The following LUZP2 variants were observed in gnomAD, a reference collection of about 807,000 sequenced individuals.
The protein encoded by LUZP2 is leucine zipper protein 2.
In LUZP2, 52 loss-of-function variants were observed where a neutral mutation model predicts 51.6. The observed-to-expected ratio is 1.01, with a 90% CI of 0.81 to 1.27. The LOEUF is 1.27. Ranked by LOEUF, LUZP2 falls within the 50% of genes most tolerant of loss-of-function variation. LUZP2 has a pLI of 0.00. For synonymous variants in LUZP2, 154 were observed against 137.3 expected (o/e 1.12, Z -0.85); for missense variants, 436 against 395.4 (o/e 1.10, Z -0.87).
intron 10 of LUZP2, among the ~76,000 whole-genome samples, chr11:25,069,156 G>A (rs1859082317): frequency 6.6e-6 from 1 of 151,878 alleles, no homozygotes; most frequent in Non-Finnish European, 1.5e-5. Context: ...ACTGCAACAT[G>A]TGAGGTGCTA....
At chr11:24,790,393 C>T (rs1849374220) in intron 5 of LUZP2, among the ~76,000 whole-genome samples, 1 of 152,150 alleles carries the variant, frequency 6.6e-6, no homozygotes, top group Admixed American at 6.6e-5. Flanking sequence ...TGACTATGCT[C>T]ACATTTTTTA....
chr11:24,574,005 A>G lies in LUZP2; in HGVS notation c.62+76700A>G, dbSNP rs550427638. On this transcript the variant is annotated intron_variant, in intron 1 of 11. Transcript: ENST00000336930. The stretch of plus-strand genomic sequence containing the variant: ...TAACTCATCATTTAGCATTAGGTAT[A>G]TCTCCTAATGCTGTGTTTTAATTTG... Among the ~76,000 whole-genome samples, 31 of 151,870 alleles carry G rather than the reference A, an allele frequency of 2.0e-4. No homozygotes were observed. In the East Asian group the frequency reaches 6.0e-3, roughly 30 times the overall value.
intron 5 of LUZP2, among the ~76,000 whole-genome samples, chr11:24,858,678 C>A (rs1851641463): frequency 6.6e-6 from 1 of 152,110 alleles, no homozygotes; most frequent in African/African-American, 2.4e-5. Flanking sequence ...AGTCTGTGAA[C>A]AATGTAGTTC....
intron 1 of LUZP2, among the ~76,000 whole-genome samples, chr11:24,682,534 A>AGT (rs1159579765): frequency 1.4e-5 from 2 of 142,134 alleles, no homozygotes; most frequent in Non-Finnish European, 3.1e-5. Context: ...CAGTAGGTTC[A>AGT]GTGTGTATAT....
rs111557213 is a variant in LUZP2 at position 24,863,330 on chromosome 11, G to C, written c.397-42661G>C. 4.6e-3 allele frequency among the ~76,000 whole-genome samples: 706 copies of C among 152,118 alleles called. 8 individuals are homozygous for C. The highest frequency in any genetic ancestry group is 0.016 in the African/African-American group (668 of 41,504). The stretch of plus-strand genomic sequence containing the variant: ...TGTCCATCAACTGATAAATAGGCAA[G>C]CAAAATGTTGTTTGTCCATAAAATG... On this transcript the variant is annotated intron_variant, in intron 5 of 11. Coordinates refer to ENST00000336930, the MANE Select transcript of LUZP2 (RefSeq NM_001009909.4).
At chr11:24,809,747 TTGTG>T (rs138937469) in intron 5 of LUZP2, among the ~76,000 whole-genome samples, 2,325 of 152,034 alleles carry the variant, frequency 0.015, 62 homozygotes, top group African/African-American at 0.053. Context: ...CCTTATGCAT[TTGTG>T]TGTGTGTGTT....
intron 5 of LUZP2, chr11:24,890,938 A>G (rs1426920688): frequency 2.3e-6 from 2 of 859,428 alleles, no homozygotes; most frequent in Non-Finnish European, 2.6e-6. Context: ...ATTTAATTCT[A>G]TTGCTCTTAT....
chr11:24,713,345 C>T (rs111839399), intron 1 of LUZP2, among the ~76,000 whole-genome samples: 2 of 152,044 alleles, frequency 1.3e-5, no homozygotes, highest in African/African-American at 4.8e-5. Flanking sequence ...GAAACCGAAT[C>T]GAAGTCACTC....
At chr11:25,017,043 C>A (rs1029875035) in intron 9 of LUZP2, among the ~76,000 whole-genome samples, 1 of 151,910 alleles carries the variant, frequency 6.6e-6, no homozygotes, top group Non-Finnish European at 1.5e-5. Context: ...AGGATTTTTG[C>A]ATATGTTTGT....
intron 6 of LUZP2, 144 bp from the exon 7 acceptor site, chr11:24,914,332 A>G (rs1254348998): frequency 1.6e-6 from 1 of 626,566 alleles, no homozygotes; most frequent in African/African-American, 1.9e-5. Flanking sequence ...AGCAGAGCTA[A>G]GGGTTTCTGC....
chr11:24,780,346 G>C (rs947487090), intron 5 of LUZP2, among the ~76,000 whole-genome samples: 12 of 152,014 alleles, frequency 7.9e-5, no homozygotes, highest in African/African-American at 2.9e-4. Context: ...CTACTTCTGA[G>C]TCCTGAGCAC....
chr11:25,014,182 C>G (rs928737209), intron 9 of LUZP2, among the ~76,000 whole-genome samples: 3 of 152,160 alleles, frequency 2.0e-5, no homozygotes, highest in Non-Finnish European at 4.4e-5. Flanking sequence ...CAAGTCTTTG[C>G]TATTGTGAAT....
intron 5 of LUZP2, among the ~76,000 whole-genome samples, chr11:24,894,700 T>C (rs961507047): frequency 2.6e-5 from 4 of 152,118 alleles, no homozygotes; most frequent in South Asian, 2.1e-4. Context: ...CGACAACGTG[T>C]CATTTGGTTT....
chr11:24,909,674 A>C (rs924819494), intron 6 of LUZP2, among the ~76,000 whole-genome samples: 1 of 152,176 alleles, frequency 6.6e-6, no homozygotes, highest in Admixed American at 6.5e-5. Flanking sequence ...AATAATGATA[A>C]CCATGTAAAG....
At chr11:24,894,987 G>A (rs903125179) in intron 5 of LUZP2, among the ~76,000 whole-genome samples, 1 of 152,048 alleles carries the variant, frequency 6.6e-6, no homozygotes, top group African/African-American at 2.4e-5. Flanking sequence ...CTGGGACTTA[G>A]GAAAAAATAA....
chr11:24,803,178 C>G (rs1411530260), intron 5 of LUZP2, among the ~76,000 whole-genome samples: 1 of 151,814 alleles, frequency 6.6e-6, no homozygotes, highest in African/African-American at 2.4e-5. Flanking sequence ...CAACAACAAC[C>G]AAAATCTGAT....
At chr11:24,514,728 A>C (rs778678672) in intron 1 of LUZP2, among the ~76,000 whole-genome samples, 6 of 152,192 alleles carry the variant, frequency 3.9e-5, no homozygotes, top group Non-Finnish European at 8.8e-5. Context: ...CACAGCAATA[A>C]GATTACATGA....
At chr11:24,680,771 T>C (rs1856707125) in intron 1 of LUZP2, among the ~76,000 whole-genome samples, 1 of 152,150 alleles carries the variant, frequency 6.6e-6, no homozygotes, top group Admixed American at 6.6e-5. Flanking sequence ...ATATTCATTT[T>C]ATACATATAG....
chr11:24,878,176 C>T (rs1017228475), intron 5 of LUZP2, among the ~76,000 whole-genome samples: 2 of 148,186 alleles, frequency 1.3e-5, no homozygotes, highest in African/African-American at 2.5e-5. Flanking sequence ...TACATTAATG[C>T]CCTTTTCTTT....
Sources: gnomAD v4.1 joint callset for allele counts (sites outside exome capture counted in the v4.1 genomes callset) on GRCh38, gnomAD v4.1.1 for gene constraint, MANE v1.5 for transcripts, NCBI Gene and HGNC (gene_info 2026-07-23, HGNC 2026-07-21) for gene names.